The following HSPA2 variants were observed in gnomAD, a reference collection of about 807,000 sequenced individuals.
HSPA2 encodes heat shock protein family A (Hsp70) member 2.
In HSPA2, 13 loss-of-function variants were observed where a neutral mutation model predicts 35.0. That is an observed-to-expected ratio of 0.37 (90% CI 0.24 to 0.59). The LOEUF (loss-of-function observed/expected upper bound fraction) is 0.59, where lower values mean the gene tolerates loss of function less well. HSPA2 is among the 20% of genes least tolerant of loss of function. The probability of loss-of-function intolerance (pLI) is 0.70; values close to 1 mark genes in which losing one functional copy is unlikely to be tolerated. For missense variants in HSPA2, 565 were observed against 885.4 expected (o/e 0.64, Z 4.59); for synonymous variants, 368 against 382.1 (o/e 0.96, Z 0.43).
chr14:64,536,852 G>GA (rs1310749717), upstream of HSPA2, among the ~76,000 whole-genome samples: 1 of 152,110 alleles, frequency 6.6e-6, no homozygotes, highest in Non-Finnish European at 1.5e-5. Flanking sequence ...AGTTAGGGCA[G>GA]AAAAAAATAT....
upstream of HSPA2, among the ~76,000 whole-genome samples, chr14:64,537,145 T>A (rs1346063667): frequency 6.6e-6 from 1 of 152,354 alleles, no homozygotes; most frequent in East Asian, 1.9e-4. Context: ...ACATTCTTTG[T>A]TTCAGTTGTA....
chr14:64,537,590 A>G (rs557093198), upstream of HSPA2, among the ~76,000 whole-genome samples: 8 of 150,190 alleles, frequency 5.3e-5, no homozygotes, highest in Admixed American at 5.4e-4. Flanking sequence ...AAAAAAACCA[A>G]ACAAATACCC....
At position 64,541,709 on chromosome 14, in the gene HSPA2, TC is replaced by T; in HGVS notation, c.861del (p.Ile287MetfsTer76). On this transcript the variant is annotated frameshift_variant, in exon 1 of 1. Coordinates refer to ENST00000247207, the MANE Select transcript of HSPA2 (RefSeq NM_021979.4). LOFTEE classifies it high-confidence loss of function. ...LSSSTQASIE[I>X]DSLYEGVDFY... is the part of the protein sequence containing the mutation. ...TCGTCCACGCAGGCGAGCATCGAGA[TC>T]GACTCGCTCTACGAGGGCGTGGACT... The T allele has an allele frequency of 1.2e-6, 2 of 1,611,922 alleles. No individual in the cohort carries two copies. The highest frequency in any genetic ancestry group is 1.7e-6 in the Non-Finnish European group (2 of 1,179,594).
At position 64,543,023 on chromosome 14, in the gene HSPA2, G is replaced by A. The variant is rs3213996; in HGVS notation, c.*254G>A. The stretch of plus-strand genomic sequence containing the variant: ...TGACTTGAGCATTTTTGATTAGTTC[G>A]TGCATGGAGATTTGTTTGAGATGAG... On this transcript the variant is annotated 3_prime_UTR_variant, in exon 1 of 1. Coordinates refer to ENST00000247207, the MANE Select transcript of HSPA2 (RefSeq NM_021979.4). 1,577 of 586,098 alleles carry A rather than the reference G, an allele frequency of 2.7e-3. 30 individuals are homozygous for A. In the East Asian group the frequency reaches 0.043, roughly 16 times the overall value. The allele number at this position is 586,098 out of a possible 1,614,324, so 36.3% of individuals were successfully genotyped here.
chr14:64,538,237 T>C (rs1416658946), upstream of HSPA2, among the ~76,000 whole-genome samples: 1 of 152,200 alleles, frequency 6.6e-6, no homozygotes, highest in East Asian at 1.9e-4. Flanking sequence ...ACATTACTTT[T>C]TGGTCACAGA....
chr14:64,540,796 C>T lies in HSPA2; in HGVS notation c.-54C>T. 3 of 1,594,348 alleles carry T rather than the reference C, an allele frequency of 1.9e-6. No individual in the cohort carries two copies. Among genetic ancestry groups the T allele is most frequent in the East Asian group, 2.2e-5 (1 of 44,722 alleles). On this transcript the variant is annotated 5_prime_UTR_variant, in exon 1 of 1. Transcript: ENST00000247207. ...TCGAGGTGGCCGTTAGTTGACTCCG[C>T]GGAGTTCATCTCCCTGGTTTTCCCG...
chr14:64,542,399 A>G lies in HSPA2; in HGVS notation c.1550A>G (p.Asp517Gly), dbSNP rs1223785423. 1.2e-6 allele frequency: 2 copies of G among 1,613,730 alleles called. No homozygotes were observed. The highest frequency in any genetic ancestry group is 1.7e-6 in the Non-Finnish European group (2 of 1,179,932). Reference protein sequence around the residue: ...TNDKGRLSKDDIDRMVQEAER... With the variant: ...TNDKGRLSKDGIDRMVQEAER... ...GACAAAGGTCGTCTGAGCAAGGACG[A>G]CATTGACCGGATGGTGCAGGAGGCG... Residue 517 changes from aspartate to glycine, a missense_variant, in exon 1 of 1, where the codon GAC (aspartate) becomes GGC (glycine). This residue lies in a region of HSPA2 where 147 missense variants were observed against 166.7 expected (regional missense o/e 0.88). Transcript: ENST00000247207. This position sits in a 1 kb window ranked among gnomAD's most constrained non-coding sequence, Gnocchi z 5.7.
Position 64,542,258 on chromosome 14 carries a change from C to A in HSPA2, c.1409C>A (p.Ala470Glu), listed in dbSNP as rs200951589. 1 of 1,614,028 alleles carries A rather than the reference C, an allele frequency of 6.2e-7. No individual in the cohort carries two copies. Among genetic ancestry groups the A allele is most frequent in the Non-Finnish European group, 8.5e-7 (1 of 1,180,026 alleles). Residue 470 changes from alanine (A) to glutamate (E), a missense_variant, in exon 1 of 1, where the codon GCG becomes GAG. Physicochemically the swap from Ala to Glu is moderately radical, Grantham distance 107. Coordinates refer to ENST00000247207, the MANE Select transcript of HSPA2 (RefSeq NM_021979.4). This position sits in a 1 kb window ranked among gnomAD's most constrained non-coding sequence, Gnocchi z 5.7. ...TTCGACCTGACCGGGATTCCCCCTG[C>A]GCCTCGCGGGGTCCCCCAAATCGAG... ...GKFDLTGIPPAPRGVPQIEVT... is the reference protein window; with the variant it reads ...GKFDLTGIPPEPRGVPQIEVT...
At chr14:64,538,774 A>G (rs2079999455), upstream of HSPA2, among the ~76,000 whole-genome samples, 1 of 152,166 alleles carries the variant, frequency 6.6e-6, no homozygotes, top group Non-Finnish European at 1.5e-5. Flanking sequence ...TGATGGAAGG[A>G]CTTCCCCAGC....
At position 64,542,278 on chromosome 14, in the gene HSPA2, A is replaced by G. The variant is rs1323109393; in HGVS notation, c.1429A>G (p.Ile477Val). 1.9e-6 allele frequency: 3 copies of G among 1,613,782 alleles called. No individual in the cohort carries two copies. The highest frequency in any genetic ancestry group is 2.5e-6 in the Non-Finnish European group (3 of 1,179,990). Reference protein sequence around the residue: ...IPPAPRGVPQIEVTFDIDANG... With the variant: ...IPPAPRGVPQVEVTFDIDANG... ...CCCTGCGCCTCGCGGGGTCCCCCAA[A>G]TCGAGGTTACCTTCGACATTGACGC... is the stretch of plus-strand genomic sequence containing the variant. The change falls in exon 1 of 1, where the codon ATC (isoleucine) becomes GTC (valine). Residue 477 changes from isoleucine (I) to valine (V), a missense_variant. Physicochemically the swap from Ile to Val is conservative, Grantham distance 29. This residue lies in a region of HSPA2 where 234 missense variants were observed against 419.0 expected (regional missense o/e 0.56). Transcript: ENST00000247207. The surrounding 1 kb of genome is among the most constrained non-coding windows in gnomAD (Gnocchi z 5.7).
Position 64,542,726 on chromosome 14 carries a change from G to A in HSPA2, c.1877G>A (p.Gly626Asp). 1 of 1,613,220 alleles carries A rather than the reference G, an allele frequency of 6.2e-7. No homozygotes were observed. The highest frequency in any genetic ancestry group is 8.5e-7 in the Non-Finnish European group (1 of 1,179,654). Reference sequence around the variant, plus strand: ...CCTGGCGGCGGCAGCGGCGGCGGCGGTTCAGGAGCCTCCGGGGGACCCACC... The same window carrying A: ...CCTGGCGGCGGCAGCGGCGGCGGCGATTCAGGAGCCTCCGGGGGACCCACC... ...GGPGGGSGGGGSGASGGPTIE... is the reference protein window; with the variant it reads ...GGPGGGSGGGDSGASGGPTIE... The change falls in exon 1 of 1, where the codon GGT (glycine) becomes GAT (aspartate). Residue 626 changes from glycine (G) to aspartate (D), a missense_variant. Physicochemically the swap from Gly to Asp is moderately conservative, Grantham distance 94. This residue lies in a region of HSPA2 where 147 missense variants were observed against 166.7 expected (regional missense o/e 0.88). Transcript: ENST00000247207. The surrounding 1 kb of genome is among the most constrained non-coding windows in gnomAD (Gnocchi z 5.7).
chr14:64,542,337 G>A lies in HSPA2; in HGVS notation c.1488G>A (p.Lys496=). 6.2e-7 allele frequency: 1 copy of A among 1,613,772 alleles called. No individual in the cohort carries two copies. Among genetic ancestry groups the A allele is most frequent in the South Asian group, 1.1e-5 (1 of 91,072 alleles). ...NGILNVTAAD[K]STGKENKITI... ...TCCTTAACGTTACCGCCGCCGACAA[G>A]AGCACCGGTAAGGAAAACAAAATCA... The change falls in exon 1 of 1, where the codon AAG becomes AAA. Residue 496 remains lysine (K), a synonymous_variant. Coordinates refer to ENST00000247207, the MANE Select transcript of HSPA2 (RefSeq NM_021979.4). This position sits in a 1 kb window ranked among gnomAD's most constrained non-coding sequence, Gnocchi z 5.7.
In HSPA2 at chr14:64,542,748, C is replaced by T; in HGVS notation, c.1899C>T (p.Pro633=). 1 of 1,610,070 alleles carries T rather than the reference C, an allele frequency of 6.2e-7. No homozygotes were observed. The highest frequency in any genetic ancestry group is 8.5e-7 in the Non-Finnish European group (1 of 1,178,000). The change falls in exon 1 of 1, where the codon CCC becomes CCT. Residue 633 remains proline, a synonymous_variant. Coordinates refer to ENST00000247207, the MANE Select transcript of HSPA2 (RefSeq NM_021979.4). The surrounding 1 kb of genome is among the most constrained non-coding windows in gnomAD (Gnocchi z 5.7). ...GGGGSGASGG[P]TIEEVD The stretch of plus-strand genomic sequence containing the variant: ...GCGGTTCAGGAGCCTCCGGGGGACC[C>T]ACCATCGAAGAAGTGGACTAAGCTT...
At position 64,540,747 on chromosome 14, in the gene HSPA2, C is replaced by A; in HGVS notation, c.-103C>A. 1 of 1,520,884 alleles carries A rather than the reference C, an allele frequency of 6.6e-7. No individual in the cohort carries two copies. The allele number at this position is 1,520,884 out of a possible 1,614,324, so 94.2% of individuals were successfully genotyped here. ...GAACTGGGCGCGGGGAGCTGAGTTGCTGGTAGTGCCCGTGGTGCTTGGTTC... is the reference window on the plus strand; with the variant it reads ...GAACTGGGCGCGGGGAGCTGAGTTGATGGTAGTGCCCGTGGTGCTTGGTTC... On this transcript the variant is annotated 5_prime_UTR_variant, in exon 1 of 1. The change creates a new upstream start codon in the 5' untranslated region. Coordinates refer to ENST00000247207, the MANE Select transcript of HSPA2 (RefSeq NM_021979.4).
At chr14:64,538,457 T>C (rs1473028162), upstream of HSPA2, among the ~76,000 whole-genome samples, 1 of 152,234 alleles carries the variant, frequency 6.6e-6, no homozygotes, top group Non-Finnish European at 1.5e-5. Flanking sequence ...ACTAATCTTC[T>C]GTACAGAAAT....
At position 64,541,064 on chromosome 14, in the gene HSPA2, A is replaced by G; in HGVS notation, c.215A>G (p.Lys72Arg). The G allele has an allele frequency of 1.2e-6, 2 of 1,614,250 alleles. No homozygotes were observed. Among genetic ancestry groups the G allele is most frequent in the South Asian group, 2.2e-5 (2 of 91,090 alleles). Reference protein sequence around the residue: ...MNPTNTIFDAKRLIGRKFEDA... With the variant: ...MNPTNTIFDARRLIGRKFEDA... ...CCCACCAACACCATCTTCGACGCCA[A>G]GAGGCTGATTGGACGGAAATTCGAG... The change falls in exon 1 of 1, where the codon AAG (lysine) becomes AGG (arginine). Residue 72 changes from lysine to arginine, a missense_variant. Coordinates refer to ENST00000247207, the MANE Select transcript of HSPA2 (RefSeq NM_021979.4).
upstream of HSPA2, among the ~76,000 whole-genome samples, chr14:64,538,780 C>T (rs1416733456): frequency 6.6e-6 from 1 of 152,224 alleles, no homozygotes; most frequent in Non-Finnish European, 1.5e-5. Flanking sequence ...AAGGACTTCC[C>T]CAGCCTCCCC....
rs779282172 is a variant in HSPA2, at chr14:64,541,320, G to A, written c.471G>A (p.Gln157=). The A allele has an allele frequency of 6.2e-7, 1 of 1,613,772 alleles. No homozygotes were observed. Among genetic ancestry groups the A allele is most frequent in the Non-Finnish European group, 8.5e-7 (1 of 1,180,050 alleles). ...VPAYFNDSQR[Q]ATKDAGTITG... is the part of the protein sequence containing the mutation. ...CCTATTTCAACGACTCGCAGCGCCA[G>A]GCCACCAAGGACGCAGGCACCATCA... Residue 157 remains glutamine (Q), a synonymous_variant, in exon 1 of 1, where the codon CAG becomes CAA. Coordinates refer to ENST00000247207, the MANE Select transcript of HSPA2 (RefSeq NM_021979.4).
chr14:64,540,766 T>C lies in HSPA2; in HGVS notation c.-84T>C. On this transcript the variant is annotated 5_prime_UTR_variant, in exon 1 of 1. Transcript: ENST00000247207. Reference sequence around the variant, plus strand: ...GAGTTGCTGGTAGTGCCCGTGGTGCTTGGTTCGAGGTGGCCGTTAGTTGAC... The same window carrying C: ...GAGTTGCTGGTAGTGCCCGTGGTGCCTGGTTCGAGGTGGCCGTTAGTTGAC... 3 of 1,561,116 alleles carry C rather than the reference T, an allele frequency of 1.9e-6. No individual in the cohort carries two copies. The highest frequency in any genetic ancestry group is 1.8e-5 in the Admixed American group (1 of 54,986).
Sources: allele counts gnomAD v4.1 joint callset (sites outside exome capture counted in the v4.1 genomes callset), GRCh38; gene constraint gnomAD v4.1.1; regional missense constraint gnomAD v4.1.1; non-coding constraint Gnocchi (gnomAD v3.1); transcripts MANE v1.5; gene names NCBI Gene and HGNC (gene_info 2026-07-23, HGNC 2026-07-21).